L1CAM: variants seen among roughly 807,000 people sequenced by gnomAD.
L1CAM encodes neural cell adhesion molecule L1.
Under a neutral mutation model 93.0 loss-of-function variants are expected in L1CAM, and 8 were observed. The ratio of observed to expected loss-of-function variants is 0.09; its 90% CI spans 0.05 to 0.16. L1CAM has a LOEUF of 0.16. Ranked by LOEUF, L1CAM falls within the 10% of genes least tolerant of loss-of-function variation. The pLI is 1.00. For synonymous variants in L1CAM, 453 were observed against 453.0 expected, an observed-to-expected ratio of 1.00 and a Z score of 0.00; for missense variants, 777 against 1,073.4, an observed-to-expected ratio of 0.72 and a Z score of 3.86.
intron 5 of L1CAM, among the ~76,000 whole-genome samples, chrX:153,871,397 G>A (rs1377370430): frequency 1.8e-5 from 2 of 111,124 alleles, no homozygotes; most frequent in Non-Finnish European, 3.8e-5. Flanking sequence ...GGGTGAGCAG[G>A]AGACCAGGAG....
intron 1 of L1CAM, among the ~76,000 whole-genome samples, chrX:153,879,875 G>A (rs2064835519): frequency 8.9e-6 from 1 of 112,095 alleles, no homozygotes; most frequent in Non-Finnish European, 1.9e-5. Flanking sequence ...TGGAGGAGAC[G>A]CACATGTGTT....
At position 153,867,519 on chromosome X, in the gene L1CAM, C is replaced by A. The variant is rs199702463; in HGVS notation, c.1974G>T (p.Ala658=). Residue 658 remains alanine (A), a synonymous_variant, in exon 17 of 29, where the codon GCG becomes GCT. Transcript: ENST00000370060. ...YDIEFEDKEM[A]PEKWYSLGKV... is the part of the protein sequence containing the mutation. ...TGCCCAGACTGTACCATTTTTCAGGCGCCATTTCCTTGTCCTCAAATTCAA... is the reference window on the plus strand; with the variant it reads ...TGCCCAGACTGTACCATTTTTCAGGAGCCATTTCCTTGTCCTCAAATTCAA... 8.3e-7 allele frequency: 1 copy of A among 1,211,140 alleles called. No individual in the cohort carries two copies. The highest frequency in any genetic ancestry group is 1.1e-6 in the Non-Finnish European group (1 of 894,782).
chrX:153,864,716 C>G lies in L1CAM; in HGVS notation c.3047-12G>C. 2 of 1,212,158 alleles carry G rather than the reference C, an allele frequency of 1.6e-6. No homozygotes were observed. Among genetic ancestry groups the G allele is most frequent in the Non-Finnish European group, 2.2e-6 (2 of 895,548 alleles). ...AAAATCTGAGATCCCTGGGGGGATG[C>G]AGGGGAACGAGGAGAGTGTGGCAGC... is the stretch of plus-strand genomic sequence containing the variant. On this transcript the variant is annotated splice_polypyrimidine_tract_variant and intron_variant, in intron 23 of 28. Transcript: ENST00000370060.
Position 153,871,205 on chromosome X carries a change from TCTC to T in L1CAM, c.401-29_401-27del, listed in dbSNP as rs781796530. ...CTAGAAGGGACAGACGGGCTGACAC[TCTC>T]CTCCTGGTCCAGATGGTGCTAGGCA... On this transcript the variant is annotated intron_variant, in intron 5 of 28. Coordinates refer to ENST00000370060, the MANE Select transcript of L1CAM (RefSeq NM_001278116.2). The T allele has an allele frequency of 7.8e-6, 9 of 1,157,145 alleles. No individual in the cohort carries two copies. In the African/African-American group the frequency reaches 1.3e-4, roughly 17 times the overall value.
intron 3 of L1CAM, 77 bp from the exon 4 acceptor site, chrX:153,872,774 G>A: frequency 1.2e-6 from 1 of 860,574 alleles, no homozygotes. Flanking sequence ...GTCCCATCGT[G>A]AGGGAAGCAG....
chrX:153,863,748 T>C (rs1205694727), intron 26 of L1CAM, 135 bp downstream of exon 26: 7 of 976,814 alleles, frequency 7.2e-6, no homozygotes, highest in Non-Finnish European at 8.6e-6. Context: ...ATGATCCCCC[T>C]GCCTGCCCCC....
At chrX:153,871,258 G>A (rs2071646801) in intron 5 of L1CAM, 79 bp from the exon 6 acceptor site, 2 of 882,965 alleles carry the variant, frequency 2.3e-6, no homozygotes, top group African/African-American at 2.0e-5. Flanking sequence ...GGGGCAGGGG[G>A]GTGGCGGGCT....
intron 27 of L1CAM, 31 bp from the exon 28 acceptor site, chrX:153,863,410 G>C: frequency 8.3e-7 from 1 of 1,210,996 alleles, no homozygotes. Flanking sequence ...AGAGAAGAGA[G>C]AGAGGGGGTG....
chrX:153,880,675 C>G (rs781899770), intron 1 of L1CAM: 7 of 338,587 alleles, frequency 2.1e-5, no homozygotes, highest in Non-Finnish European at 3.6e-5. Context: ...CTCCCCAGGC[C>G]GTGGCTGGCG....
In L1CAM at chrX:153,864,703, C is replaced by G; in HGVS notation, c.3048G>C (p.Gly1016=). The G allele has an allele frequency of 8.2e-6, 10 of 1,212,258 alleles. No homozygotes were observed. The highest frequency in any genetic ancestry group is 1.1e-5 in the Non-Finnish European group (10 of 895,532). ...VREGGTMALS[G]ISDFGNISAT... is the part of the protein sequence containing the mutation. ...CTGAGATGTTGCCAAAATCTGAGAT[C>G]CCTGGGGGGATGCAGGGGAACGAGG... is the stretch of plus-strand genomic sequence containing the variant. Residue 1016 remains glycine, a splice_region_variant and synonymous_variant, in exon 24 of 29, where the codon GGG becomes GGC. Transcript: ENST00000370060.
intron 1 of L1CAM, among the ~76,000 whole-genome samples, chrX:153,880,992 G>A (rs982366960): frequency 7.1e-5 from 8 of 112,485 alleles, no homozygotes; most frequent in South Asian, 7.3e-4. Context: ...GAAAAGAGAC[G>A]GAGGTTAACC....
Position 153,868,135 on chromosome X carries a change from C to T in L1CAM, c.1704-13G>A, listed in dbSNP as rs782575327. The T allele has an allele frequency of 5.8e-6, 7 of 1,210,215 alleles. No individual in the cohort carries two copies. Among genetic ancestry groups the T allele is most frequent in the Middle Eastern group, 2.3e-4 (1 of 4,345 alleles). ...CTCTATGAAGTACCTGCGGAGGAGC[C>T]GTGTCTGTCTTTCCTGCCATCTGGG... is the stretch of plus-strand genomic sequence containing the variant. On this transcript the variant is annotated splice_polypyrimidine_tract_variant and intron_variant, in intron 14 of 28. Transcript: ENST00000370060.
At chrX:153,863,625 AC>A (rs1361871653) in intron 26 of L1CAM, 76 bp from the exon 27 acceptor site, 3 of 962,051 alleles carry the variant, frequency 3.1e-6, no homozygotes, top group Non-Finnish European at 4.4e-6. Context: ...TACGCCCCGC[AC>A]CCCCAGCACT....
chrX:153,884,819 A>G (rs782087637), intron 1 of L1CAM, among the ~76,000 whole-genome samples: 2 of 113,049 alleles, frequency 1.8e-5, no homozygotes, highest in Non-Finnish European at 3.8e-5. Flanking sequence ...CGCCCCAGAA[A>G]GATGATGCTG....
At chrX:153,883,880 G>A (rs1383983746) in intron 1 of L1CAM, 1 of 341,776 alleles carries the variant, frequency 2.9e-6, no homozygotes, top group African/African-American at 2.6e-5. Context: ...GCTTTGAAAG[G>A]GAACTTGGTG....
In L1CAM at chrX:153,863,352, A is replaced by G; in HGVS notation, c.3542+16T>C. The G allele has an allele frequency of 8.3e-7, 1 of 1,208,626 alleles. No homozygotes were observed. Among genetic ancestry groups the G allele is most frequent in the Non-Finnish European group, 1.1e-6 (1 of 893,443 alleles). On this transcript the variant is annotated intron_variant, in intron 28 of 28. Coordinates refer to ENST00000370060, the MANE Select transcript of L1CAM (RefSeq NM_001278116.2). Reference sequence around the variant, plus strand: ...GAGACCTTGCTGTTGGCCCCTCCCCACCGCCCCTGCCTTACCTCTCCAGGG... The same window carrying G: ...GAGACCTTGCTGTTGGCCCCTCCCCGCCGCCCCTGCCTTACCTCTCCAGGG...
At chrX:153,874,439 C>A (rs1006450086) in intron 2 of L1CAM, among the ~76,000 whole-genome samples, 1 of 113,249 alleles carries the variant, frequency 8.8e-6, no homozygotes, top group Non-Finnish European at 1.9e-5. Context: ...GGCTCTGCTC[C>A]TTCATCCCTG....
chrX:153,864,170 C>T (rs2064690150), intron 25 of L1CAM, 152 bp downstream of exon 25: 1 of 1,010,638 alleles, frequency 9.9e-7, no homozygotes, highest in Non-Finnish European at 1.4e-6. Context: ...TGAAAGGGGG[C>T]TGATTCGGGG....
chrX:153,876,226 C>T (rs1188013240), intron 1 of L1CAM: 1 of 401,377 alleles, frequency 2.5e-6, no homozygotes, highest in African/African-American at 2.5e-5. Flanking sequence ...CCAGCACCAA[C>T]TTGTTGCCCC....
Sources: gnomAD v4.1 joint callset for allele counts (sites outside exome capture counted in the v4.1 genomes callset) on GRCh38, gnomAD v4.1.1 for gene constraint, MANE v1.5 for transcripts, NCBI Gene and HGNC (gene_info 2026-07-23, HGNC 2026-07-21) for gene names.